Variants in ZSCAN18 observed in about 807,000 individuals in gnomAD.
ZSCAN18 encodes zinc finger and SCAN domain-containing protein 18.
A neutral mutation model predicts 31.1 loss-of-function variants in ZSCAN18; 16 were observed. The observed-to-expected ratio is 0.51, with a 90% CI of 0.35 to 0.78. The LOEUF (loss-of-function observed/expected upper bound fraction) is 0.78, where lower values mean the gene tolerates loss of function less well. ZSCAN18 is among the 30% of genes least tolerant of loss of function. ZSCAN18 has a pLI of 0.01. For missense variants in ZSCAN18, 731 were observed against 697.4 expected, an observed-to-expected ratio of 1.05 and a Z score of -0.54; for synonymous variants, 375 against 320.7, an observed-to-expected ratio of 1.17 and a Z score of -1.81.
At chr19:58,089,596 A>G (rs990866990) in intron 2 of ZSCAN18, among the ~76,000 whole-genome samples, 2 of 152,262 alleles carry the variant, frequency 1.3e-5, no homozygotes, top group African/African-American at 2.4e-5. Context: ...ACTGCGCTCC[A>G]GCCTAGTGAC....
chr19:58,118,392 C>T (rs1473916096), exon 1 of ZSCAN18: 2 of 1,521,772 alleles, frequency 1.3e-6, no homozygotes, highest in Non-Finnish European at 1.8e-6. Context: ...TCCGACTCTC[C>T]GCATGGGCGC....
At position 58,085,327 on chromosome 19, in the gene ZSCAN18, G is replaced by A. The variant is rs771608345; in HGVS notation, c.891C>T (p.Pro297=). 1.8e-5 allele frequency: 29 copies of A among 1,595,132 alleles called. No individual in the cohort carries two copies. The highest frequency in any genetic ancestry group is 1.8e-4 in the East Asian group (8 of 44,762). Residue 297 remains proline (P), a synonymous_variant, in exon 7 of 7, where the codon CCC becomes CCT. Coordinates refer to ENST00000601144, the MANE Select transcript of ZSCAN18 (RefSeq NM_001145543.2). ...TAGGCAGCTCAGGCAGCACCCCCGC[G>A]GGGGCGGCCTCCTCGCAGGCGCACC... The part of the protein sequence containing the change: ...SAGCACEEAA[P]AGVLPELPTE...
intron 1 of ZSCAN18, among the ~76,000 whole-genome samples, chr19:58,103,261 C>T (rs749437160): frequency 1.3e-5 from 2 of 152,182 alleles, no homozygotes; most frequent in African/African-American, 2.4e-5. Flanking sequence ...TTCTGTGTCA[C>T]GACTAACTTC....
At position 58,085,166 on chromosome 19, in the gene ZSCAN18, C is replaced by G; in HGVS notation, c.1052G>C (p.Arg351Thr). The G allele has an allele frequency of 6.2e-7, 1 of 1,610,924 alleles. No homozygotes were observed. Among genetic ancestry groups the G allele is most frequent in the South Asian group, 1.1e-5 (1 of 90,944 alleles). Residue 351 changes from arginine to threonine, a missense_variant, in exon 7 of 7, where the codon AGG becomes ACG. Arg to Thr is a moderately conservative substitution (Grantham distance 71). Transcript: ENST00000601144. ...AESDSATGSQ[R>T]QSVIQQPAPD... ...GGCAGGCTGCTGGATGACGGACTGC[C>G]TCTGCGATCCGGTGGCAGAGTCGGA...
intron 1 of ZSCAN18, among the ~76,000 whole-genome samples, chr19:58,091,679 T>C (rs1207953463): frequency 6.6e-6 from 1 of 152,130 alleles, no homozygotes; most frequent in East Asian, 1.9e-4. Context: ...CTCTCTTGAT[T>C]GTAACTGTGC....
intron 1 of ZSCAN18, among the ~76,000 whole-genome samples, chr19:58,116,197 C>CT (rs1301610062): frequency 6.8e-6 from 1 of 146,640 alleles, no homozygotes; most frequent in Non-Finnish European, 1.5e-5. Flanking sequence ...GGAAAAAACT[C>CT]TAAAAAAAAC....
At chr19:58,114,653 C>T (rs929906406) in intron 1 of ZSCAN18, among the ~76,000 whole-genome samples, 14 of 152,004 alleles carry the variant, frequency 9.2e-5, no homozygotes, top group African/African-American at 2.9e-4. Context: ...TATATATACA[C>T]GTATGCACAA....
chr19:58,101,195 C>T (rs1223504876), upstream of ZSCAN18, among the ~76,000 whole-genome samples: 12 of 150,052 alleles, frequency 8.0e-5, no homozygotes, highest in South Asian at 2.1e-4. Context: ...CGCAGTGGCG[C>T]GATCTCGGCT....
chr19:58,107,774 G>T, intron 1 of ZSCAN18: 5 of 991,950 alleles, frequency 5.0e-6, no homozygotes, highest in Non-Finnish European at 6.0e-6. Context: ...TCAGTCCAAT[G>T]TGTCAACTCT....
intron 1 of ZSCAN18, among the ~76,000 whole-genome samples, chr19:58,109,811 G>C (rs2074665175): frequency 2.0e-5 from 3 of 152,008 alleles, no homozygotes; most frequent in Non-Finnish European, 4.4e-5. Context: ...AAATTAGCCA[G>C]ATTTTTAAAA....
chr19:58,095,641 C>T (rs556069421), intron 1 of ZSCAN18, among the ~76,000 whole-genome samples: 2 of 152,198 alleles, frequency 1.3e-5, no homozygotes, highest in South Asian at 4.1e-4. Flanking sequence ...GAGCAAGGGT[C>T]CTCGGCCATT....
Position 58,090,462 on chromosome 19 carries a change from A to G in ZSCAN18, c.-119-76T>C. The G allele has an allele frequency of 7.5e-7, 1 of 1,334,312 alleles. No homozygotes were observed. Among genetic ancestry groups the G allele is most frequent in the Non-Finnish European group, 1.0e-6 (1 of 994,672 alleles). 82.7% of individuals were successfully genotyped at this position (1,334,312 alleles called of 1,614,324 possible). On this transcript the variant is annotated intron_variant, in intron 1 of 6. Transcript: ENST00000601144. The surrounding 1 kb of genome is among the most constrained non-coding windows in gnomAD (Gnocchi z 4.7). ...CCACCCCAGCTGCCAGAGAACAAAGACACCACACCCAGAGTTCACACAGAT... is the reference window on the plus strand; with the variant it reads ...CCACCCCAGCTGCCAGAGAACAAAGGCACCACACCCAGAGTTCACACAGAT...
intron 6 of ZSCAN18, 200 bp downstream of exon 6, chr19:58,085,974 T>C (rs1465368962): frequency 1.7e-6 from 1 of 582,852 alleles, no homozygotes; most frequent in East Asian, 2.9e-5. Context: ...ACCGACCAAG[T>C]CTTGGGGTGG....
At chr19:58,096,119 A>G (rs1039606756) in intron 1 of ZSCAN18, among the ~76,000 whole-genome samples, 11 of 152,078 alleles carry the variant, frequency 7.2e-5, no homozygotes, top group Non-Finnish European at 1.5e-4. Context: ...ATAATCTCAG[A>G]GCCTGGGGAG....
chr19:58,104,991 G>A (rs117851055), intron 1 of ZSCAN18, among the ~76,000 whole-genome samples: 3,180 of 152,328 alleles, frequency 0.021, 97 homozygotes, highest in Admixed American at 0.072. Flanking sequence ...TAGCTTCAAA[G>A]CTTTAAAGAA....
chr19:58,086,986 T>C lies in ZSCAN18; in HGVS notation c.665A>G (p.Asp222Gly). 1.2e-6 allele frequency: 2 copies of C among 1,613,274 alleles called. No individual in the cohort carries two copies. Among genetic ancestry groups the C allele is most frequent in the Non-Finnish European group, 8.5e-7 (1 of 1,179,714 alleles). ...TEQKLKSFPE[D>G]PQHLGEWGHL... Reference sequence around the variant, plus strand: ...GCCCCACTCCCCCAGGTGCTGAGGGTCCTCTGGAAAGGACTTCAGCTTCTG... The same window carrying C: ...GCCCCACTCCCCCAGGTGCTGAGGGCCCTCTGGAAAGGACTTCAGCTTCTG... The change falls in exon 5 of 7, where the codon GAC (aspartate) becomes GGC (glycine). Residue 222 changes from aspartate to glycine, a missense_variant. Asp to Gly is a moderately conservative substitution (Grantham distance 94). Around this residue, in one of 4 missense-constraint regions of ZSCAN18, gnomAD observed 597 missense variants for 499.5 expected, o/e 1.20. Transcript: ENST00000601144.
At chr19:58,091,544 TG>T (rs1371646462) in intron 1 of ZSCAN18, among the ~76,000 whole-genome samples, 1 of 20,528 alleles carries the variant, frequency 4.9e-5, no homozygotes, top group Non-Finnish European at 1.1e-4. Context: ...CAATGGGGGG[TG>T]GGGGGTGGGG....
At position 58,084,933 on chromosome 19, in the gene ZSCAN18, T is replaced by G; in HGVS notation, c.1285A>C (p.Met429Leu). ...GEAFAWLSHL[M>L]EHHSSHGGRK... Reference sequence around the variant, plus strand: ...CCGCCATGGCTGCTGTGGTGCTCCATCAGGTGCGAGAGCCACGCGAAGGCC... The same window carrying G: ...CCGCCATGGCTGCTGTGGTGCTCCAGCAGGTGCGAGAGCCACGCGAAGGCC... The change falls in exon 7 of 7, where the codon ATG (methionine) becomes CTG (leucine). Residue 429 changes from methionine (M) to leucine (L), a missense_variant. Transcript: ENST00000601144. This position sits in a 1 kb window ranked among gnomAD's most constrained non-coding sequence, Gnocchi z 4.5. The G allele has an allele frequency of 6.3e-7, 1 of 1,597,326 alleles. No individual in the cohort carries two copies. The highest frequency in any genetic ancestry group is 8.5e-7 in the Non-Finnish European group (1 of 1,174,160).
chr19:58,108,721 T>C (rs1161897777), intron 1 of ZSCAN18: 1 of 985,372 alleles, frequency 1.0e-6, no homozygotes, highest in African/African-American at 1.7e-5. Context: ...AGGACATGTG[T>C]CCCTATCAAA....
Sources: gnomAD v4.1 joint callset for allele counts (sites outside exome capture counted in the v4.1 genomes callset) on GRCh38, gnomAD v4.1.1 for gene constraint, gnomAD v4.1.1 regional missense constraint, Gnocchi (gnomAD v3.1) non-coding constraint, MANE v1.5 for transcripts, NCBI Gene and HGNC (gene_info 2026-07-23, HGNC 2026-07-21) for gene names.